Variants in ILRUN observed in about 807,000 individuals in gnomAD.
ILRUN encodes the protein inflammation and lipid regulator with UBA-like and NBR1-like domains, also known as protein ILRUN.
Under a neutral mutation model 33.8 loss-of-function variants are expected in ILRUN, and 3 were observed. The observed-to-expected ratio is 0.09, with a 90% CI of 0.04 to 0.23. The LOEUF is 0.23. Among genes scored for constraint, ILRUN ranks in the 10% least tolerant of loss-of-function variants. ILRUN has a pLI of 1.00. For synonymous variants in ILRUN, 124 were observed against 138.9 expected, an observed-to-expected ratio of 0.89 and a Z score of 0.75; for missense variants, 210 against 375.1, an observed-to-expected ratio of 0.56 and a Z score of 3.64.
intron 3 of ILRUN, among the ~76,000 whole-genome samples, chr6:34,607,243 T>TTACTC (rs150440025): frequency 0.03 from 4,608 of 152,302 alleles, 178 homozygotes; most frequent in African/African-American, 0.088. Flanking sequence ...AAATCAAAAG[T>TTACTC]TTCCTAGAAT....
intron 1 of ILRUN, among the ~76,000 whole-genome samples, chr6:34,691,608 A>T (rs59481480): frequency 6.6e-6 from 1 of 152,184 alleles, no homozygotes; most frequent in African/African-American, 2.4e-5. Flanking sequence ...CAGCCTGGAC[A>T]AACATGGTAA....
intron 4 of ILRUN, among the ~76,000 whole-genome samples, chr6:34,596,684 G>A (rs567244105): frequency 6.6e-6 from 1 of 152,246 alleles, no homozygotes; most frequent in Admixed American, 6.5e-5. Context: ...CTGAGAATGA[G>A]CGTGAGAACC....
intron 2 of ILRUN, among the ~76,000 whole-genome samples, chr6:34,653,247 T>C (rs1562019284): frequency 6.6e-6 from 1 of 152,090 alleles, no homozygotes; most frequent in Non-Finnish European, 1.5e-5. Flanking sequence ...TAATTTTTTT[T>C]TGAGATGGAG....
At chr6:34,656,361 A>G (rs1348782102) in intron 1 of ILRUN, among the ~76,000 whole-genome samples, 4 of 152,204 alleles carry the variant, frequency 2.6e-5, no homozygotes, top group African/African-American at 7.2e-5. Flanking sequence ...GAAGCACCTA[A>G]GCCAGAGTTC....
chr6:34,685,636 G>A (rs2814948), intron 1 of ILRUN: 25,166 of 152,010 alleles, frequency 0.17, 2,282 homozygotes, highest in African/African-American at 0.23. Context: ...GCACCACCGC[G>A]CCTGGCAAAT....
At chr6:34,661,106 T>C (rs898393301) in intron 1 of ILRUN, among the ~76,000 whole-genome samples, 1 of 152,208 alleles carries the variant, frequency 6.6e-6, no homozygotes, top group African/African-American at 2.4e-5. Context: ...GAACTGGTCC[T>C]TCTGTCTTCA....
intron 4 of ILRUN, among the ~76,000 whole-genome samples, chr6:34,594,622 G>C (rs1761361018): frequency 6.6e-6 from 1 of 152,164 alleles, no homozygotes; most frequent in African/African-American, 2.4e-5. Context: ...AGCTTTCACT[G>C]ACCAGCTATC....
rs948887246 is a variant in ILRUN, at chr6:34,622,525, T to C, written c.512-15621A>G. On this transcript the variant is annotated intron_variant, in intron 3 of 4. Transcript: ENST00000374023. ...ACAATGAGATACCACCTCACACTTA[T>C]GATGGCTACTACTAAAAAAAAAAAA... Among the ~76,000 whole-genome samples, 6 of 151,860 alleles carry C rather than the reference T, an allele frequency of 4.0e-5. No individual in the cohort carries two copies. The East Asian group carries it at 1.2e-3, about 29-fold the overall frequency.
chr6:34,588,290 G>C lies in ILRUN; in HGVS notation c.*2275C>G, dbSNP rs898677705. ...AAGTGTGGTTGCCTAGAAGCAAGAG[G>C]AAGAGCAAGACGACTCTGGCAGGCC... On this transcript the variant is annotated 3_prime_UTR_variant, in exon 5 of 5. Coordinates refer to ENST00000374023, the MANE Select transcript of ILRUN (RefSeq NM_024294.4). 1 of 398,408 alleles carries C rather than the reference G, an allele frequency of 2.5e-6. No homozygotes were observed. Among genetic ancestry groups the C allele is most frequent in the Non-Finnish European group, 4.4e-6 (1 of 226,078 alleles). 24.7% of individuals were successfully genotyped at this position (398,408 alleles called of 1,614,324 possible).
intron 1 of ILRUN, among the ~76,000 whole-genome samples, chr6:34,676,972 T>C (rs12215331): frequency 0.15 from 21,088 of 137,762 alleles, 1,989 homozygotes; most frequent in Non-Finnish European, 0.22. Flanking sequence ...TTGCCCCAAA[T>C]AAATACATGG....
chr6:34,646,484 T>C lies in ILRUN; in HGVS notation c.511+117A>G. ...AAATCATTTACCTGCATGAGGTGACTGTTAAAAAGAGGCCATGCCCTGTTA... is the reference window on the plus strand; with the variant it reads ...AAATCATTTACCTGCATGAGGTGACCGTTAAAAAGAGGCCATGCCCTGTTA... On this transcript the variant is annotated intron_variant, in intron 3 of 4. Transcript: ENST00000374023. The surrounding 1 kb of genome is among the most constrained non-coding windows in gnomAD (Gnocchi z 4.9). 1 of 853,166 alleles carries C rather than the reference T, an allele frequency of 1.2e-6. No individual in the cohort carries two copies. 52.8% of individuals were successfully genotyped at this position (853,166 alleles called of 1,614,324 possible).
chr6:34,604,114 C>T (rs998588022), intron 4 of ILRUN, among the ~76,000 whole-genome samples: 1 of 152,202 alleles, frequency 6.6e-6, no homozygotes, highest in African/African-American at 2.4e-5. Context: ...CTTTTCTCTA[C>T]AGTTCTTGCA....
intron 1 of ILRUN, chr6:34,685,564 G>A (rs1466641925): frequency 6.6e-6 from 1 of 152,084 alleles, no homozygotes; most frequent in Non-Finnish European, 1.5e-5. Flanking sequence ...CTACAGCCCA[G>A]AACTCCTGGG....
chr6:34,603,503 C>T (rs1761561020), intron 4 of ILRUN, among the ~76,000 whole-genome samples: 1 of 151,894 alleles, frequency 6.6e-6, no homozygotes, highest in Non-Finnish European at 1.5e-5. Flanking sequence ...GGCGTAGTGG[C>T]GGGCGCCTGT....
In ILRUN at chr6:34,666,786, T is replaced by C. The variant is rs147933457; in HGVS notation, c.159-12007A>G. Reference sequence around the variant, plus strand: ...CAAGGGATACAACACTTAAAGAATATATCCTGTAAAAGTCCTGTTGTACTT... The same window carrying C: ...CAAGGGATACAACACTTAAAGAATACATCCTGTAAAAGTCCTGTTGTACTT... On this transcript the variant is annotated intron_variant, in intron 1 of 4. Transcript: ENST00000374023. Among the ~76,000 whole-genome samples the C allele has an allele frequency of 1.3e-3, 198 of 152,276 alleles. 4 individuals carry two copies. The South Asian group carries it at 0.037, about 28-fold the overall frequency.
intron 1 of ILRUN, among the ~76,000 whole-genome samples, chr6:34,667,032 G>T (rs568907216): frequency 6.6e-6 from 1 of 151,542 alleles, no homozygotes; most frequent in African/African-American, 2.4e-5. Flanking sequence ...AAAGCCACTC[G>T]AATATACATG....
chr6:34,601,067 T>C (rs567718809), intron 4 of ILRUN, among the ~76,000 whole-genome samples: 2 of 152,280 alleles, frequency 1.3e-5, no homozygotes, highest in East Asian at 1.9e-4. Context: ...AAGTAATGCA[T>C]GTCAAGCACT....
At chr6:34,668,965 T>C (rs1415584923) in intron 1 of ILRUN, among the ~76,000 whole-genome samples, 1 of 151,552 alleles carries the variant, frequency 6.6e-6, no homozygotes. Flanking sequence ...TGCCTCAGCC[T>C]CCTGAGTAGC....
At chr6:34,612,904 A>G (rs1761788384) in intron 3 of ILRUN, among the ~76,000 whole-genome samples, 1 of 152,142 alleles carries the variant, frequency 6.6e-6, no homozygotes, top group Non-Finnish European at 1.5e-5. Context: ...TTAGCCGGGC[A>G]TGGTGGTGGG....
Sources: gnomAD v4.1 joint callset for allele counts (sites outside exome capture counted in the v4.1 genomes callset) on GRCh38, gnomAD v4.1.1 for gene constraint, Gnocchi (gnomAD v3.1) non-coding constraint, MANE v1.5 for transcripts, NCBI Gene and HGNC (gene_info 2026-07-23, HGNC 2026-07-21) for gene names.